Variants in PHF24 observed in about 807,000 individuals in gnomAD.
The protein encoded by PHF24 is PHD finger protein 24, also known as Galpha inhibitory interacting protein.
In PHF24, 25 loss-of-function variants were observed where a neutral mutation model predicts 42.6. That is an observed-to-expected ratio of 0.59 (90% CI 0.43 to 0.82). The LOEUF (loss-of-function observed/expected upper bound fraction) is 0.82, where lower values mean the gene tolerates loss of function less well. Ranked by LOEUF, PHF24 falls within the 40% of genes least tolerant of loss-of-function variation. The pLI is 0.00. For synonymous variants in PHF24, 185 were observed against 204.8 expected, an observed-to-expected ratio of 0.90 and a Z score of 0.83; for missense variants, 470 against 538.1, an observed-to-expected ratio of 0.87 and a Z score of 1.25.
the PHF24 span, among the ~76,000 whole-genome samples, chr9:34,920,415 C>T: frequency 2.7e-4 from 41 of 152,146 alleles, no homozygotes; most frequent in East Asian, 7.5e-3. Context: ...TACTATAGTT[C>T]TGTGATTCCT....
At chr9:34,789,801 G>C in the PHF24 span, among the ~76,000 whole-genome samples, 1 of 152,216 alleles carries the variant, frequency 6.6e-6, no homozygotes, top group Non-Finnish European at 1.5e-5. Flanking sequence ...AGTCAACTAT[G>C]AGCATATTCT....
chr9:34,803,399 A>G, the PHF24 span, among the ~76,000 whole-genome samples: 1 of 1,184 alleles, frequency 8.4e-4, no homozygotes, highest in East Asian at 0.071. Context: ...CTAAAAAGGA[A>G]AAAAAAAAAA....
the PHF24 span, among the ~76,000 whole-genome samples, chr9:34,822,888 A>G: frequency 6.6e-6 from 1 of 152,166 alleles, no homozygotes; most frequent in Non-Finnish European, 1.5e-5. Context: ...GCACAGACGC[A>G]GTAGGAAGCA....
At chr9:34,874,781 C>T in the PHF24 span, among the ~76,000 whole-genome samples, 1 of 152,132 alleles carries the variant, frequency 6.6e-6, no homozygotes, top group African/African-American at 2.4e-5. Flanking sequence ...CTTTCAATCA[C>T]ACAGACTCTT....
the PHF24 span, among the ~76,000 whole-genome samples, chr9:34,738,142 G>C: frequency 6.6e-6 from 1 of 152,080 alleles, no homozygotes; most frequent in Non-Finnish European, 1.5e-5. Flanking sequence ...TGAGTCTTTA[G>C]ATGATCCAGC....
the PHF24 span, among the ~76,000 whole-genome samples, chr9:34,882,274 CTG>C: frequency 6.6e-6 from 1 of 152,268 alleles, no homozygotes; most frequent in South Asian, 2.1e-4. Context: ...TGGGCAAAAA[CTG>C]GAAGCATTCC....
At chr9:34,910,445 T>C in the PHF24 span, among the ~76,000 whole-genome samples, 1 of 152,196 alleles carries the variant, frequency 6.6e-6, no homozygotes, top group Non-Finnish European at 1.5e-5. Context: ...AGAGAGTAGA[T>C]TTTAAGTGTT....
the PHF24 span, among the ~76,000 whole-genome samples, chr9:34,700,571 G>T: frequency 6.6e-6 from 1 of 152,274 alleles, no homozygotes; most frequent in South Asian, 2.1e-4. Context: ...TCAGGACCCT[G>T]GTATAGACTT....
chr9:34,897,217 C>T, the PHF24 span, among the ~76,000 whole-genome samples: 1 of 152,188 alleles, frequency 6.6e-6, no homozygotes, highest in Non-Finnish European at 1.5e-5. Context: ...ATTAGTTCCT[C>T]CACCAGACAG....
the PHF24 span, among the ~76,000 whole-genome samples, chr9:34,795,327 T>C: frequency 2.6e-5 from 4 of 152,086 alleles, no homozygotes; most frequent in Admixed American, 1.3e-4. Flanking sequence ...GAAAAAATAT[T>C]GCCAACCCAG....
chr9:34,965,861 A>C (rs1826750864), intron 1 of PHF24, among the ~76,000 whole-genome samples: 1 of 152,226 alleles, frequency 6.6e-6, no homozygotes, highest in Non-Finnish European at 1.5e-5. Flanking sequence ...TCCTCTAATG[A>C]ATCGTTCTTG....
At chr9:34,675,973 G>A in the PHF24 span, among the ~76,000 whole-genome samples, 5 of 152,336 alleles carry the variant, frequency 3.3e-5, no homozygotes, top group South Asian at 1.0e-3. Context: ...CTCAGAGGAG[G>A]GACATAAGAG....
chr9:34,973,045 GT>G (rs1827060752), intron 3 of PHF24, among the ~76,000 whole-genome samples: 1 of 152,040 alleles, frequency 6.6e-6, no homozygotes, highest in Non-Finnish European at 1.5e-5. Context: ...ATTGTAGGAT[GT>G]TTAGCGGCAC....
chr9:34,733,655 C>T, the PHF24 span, among the ~76,000 whole-genome samples: 1 of 152,052 alleles, frequency 6.6e-6, no homozygotes, highest in African/African-American at 2.4e-5. Context: ...CATGTGCCAC[C>T]ATACCTGGCT....
At chr9:34,800,833 G>A in the PHF24 span, among the ~76,000 whole-genome samples, 961 of 152,156 alleles carry the variant, frequency 6.3e-3, 8 homozygotes, top group Middle Eastern at 0.037. Context: ...CTAATTACAC[G>A]AAAGAGCTTC....
chr9:34,875,640 C>T, the PHF24 span, among the ~76,000 whole-genome samples: 1 of 151,972 alleles, frequency 6.6e-6, no homozygotes, highest in African/African-American at 2.4e-5. Flanking sequence ...GAAAAACATA[C>T]CGTGAAAGAT....
the PHF24 span, among the ~76,000 whole-genome samples, chr9:34,930,880 G>A: frequency 6.6e-5 from 10 of 152,172 alleles, no homozygotes; most frequent in African/African-American, 1.9e-4. Context: ...ATATGTAGGC[G>A]ATATGGTCTG....
At chr9:34,960,062 C>T (rs886381844) in intron 1 of PHF24, among the ~76,000 whole-genome samples, 3 of 152,204 alleles carry the variant, frequency 2.0e-5, no homozygotes, top group Admixed American at 6.5e-5. Flanking sequence ...GGGTCTGCGC[C>T]AGACATAGTG....
At chr9:34,948,976 CCCAAAGGTAGCATCACAAT>C in the PHF24 span, among the ~76,000 whole-genome samples, 1 of 152,104 alleles carries the variant, frequency 6.6e-6, no homozygotes, top group African/African-American at 2.4e-5. Flanking sequence ...CGGGTTGATT[CCCAAAGGTAGCATCACAAT>C]CCAAAGGTAT....
Sources: gnomAD v4.1 joint callset for allele counts (sites outside exome capture counted in the v4.1 genomes callset) on GRCh38, gnomAD v4.1.1 for gene constraint, MANE v1.5 for transcripts, NCBI Gene and HGNC (gene_info 2026-07-23, HGNC 2026-07-21) for gene names.